SGPP2: variants seen among roughly 807,000 people sequenced by gnomAD.
The protein encoded by SGPP2 is sphingosine-1-phosphate phosphatase 2.
A neutral mutation model predicts 33.9 loss-of-function variants in SGPP2; 30 were observed. That is an observed-to-expected ratio of 0.89 (90% CI 0.66 to 1.20). The LOEUF is 1.20. SGPP2 is among the 50% of genes most tolerant of loss of function. The probability of loss-of-function intolerance (pLI) is 0.00; values close to 1 mark genes in which losing one functional copy is unlikely to be tolerated. For missense variants in SGPP2, 458 were observed against 532.1 expected (o/e 0.86, Z 1.37); for synonymous variants, 233 against 225.0 (o/e 1.04, Z -0.32).
chr2:222,480,241 A>G (rs1293474070), intron 2 of SGPP2, among the ~76,000 whole-genome samples: 1 of 152,170 alleles, frequency 6.6e-6, no homozygotes, highest in African/African-American at 2.4e-5. Flanking sequence ...ATGAGGCAAA[A>G]TCTCACTCAC....
At chr2:222,530,970 G>A (rs1164909839) in intron 4 of SGPP2, among the ~76,000 whole-genome samples, 1 of 152,132 alleles carries the variant, frequency 6.6e-6, no homozygotes, top group East Asian at 1.9e-4. Flanking sequence ...GGAGTTGGAG[G>A]CTGTAGTGAG....
chr2:222,513,903 A>G (rs1482927850), intron 2 of SGPP2, among the ~76,000 whole-genome samples: 1 of 152,190 alleles, frequency 6.6e-6, no homozygotes, highest in Non-Finnish European at 1.5e-5. Context: ...CATATCCACT[A>G]GTCAATTTTC....
intron 2 of SGPP2, among the ~76,000 whole-genome samples, chr2:222,516,019 G>A (rs889452016): frequency 2.0e-5 from 3 of 152,174 alleles, no homozygotes; most frequent in African/African-American, 7.2e-5. Context: ...CTGCACTCTA[G>A]CCCAGGCAAC....
intron 2 of SGPP2, among the ~76,000 whole-genome samples, chr2:222,488,595 A>C (rs1252884881): frequency 6.6e-6 from 1 of 152,182 alleles, no homozygotes; most frequent in African/African-American, 2.4e-5. Context: ...GGTTGAACCT[A>C]TCCTAAGTTT....
chr2:222,430,509 G>A (rs1024465660), intron 1 of SGPP2, among the ~76,000 whole-genome samples: 1 of 152,134 alleles, frequency 6.6e-6, no homozygotes, highest in African/African-American at 2.4e-5. Context: ...AATAGAGACA[G>A]GGTCTCACTA....
intron 2 of SGPP2, among the ~76,000 whole-genome samples, chr2:222,509,714 A>C (rs1011066526): frequency 2.0e-5 from 3 of 152,250 alleles, no homozygotes; most frequent in Non-Finnish European, 4.4e-5. Context: ...GAAAAGGTAC[A>C]CCAGGACTTA....
At chr2:222,456,682 G>T (rs1697578889) in intron 1 of SGPP2, among the ~76,000 whole-genome samples, 1 of 152,326 alleles carries the variant, frequency 6.6e-6, no homozygotes, top group African/African-American at 2.4e-5. Flanking sequence ...AGCATCTTCT[G>T]GGGTAGAATA....
chr2:222,513,358 A>G (rs1167194671), intron 2 of SGPP2, among the ~76,000 whole-genome samples: 6 of 152,178 alleles, frequency 3.9e-5, no homozygotes, highest in Admixed American at 3.9e-4. Flanking sequence ...AAAGGAGCTA[A>G]GCAGACTTTT....
chr2:222,555,172 G>T (rs1407692733), intron 4 of SGPP2, among the ~76,000 whole-genome samples: 1 of 152,176 alleles, frequency 6.6e-6, no homozygotes, highest in Admixed American at 6.5e-5. Context: ...CATCCAAGCT[G>T]TTGCATGCAT....
chr2:222,533,141 G>A (rs1698863748), intron 4 of SGPP2, among the ~76,000 whole-genome samples: 1 of 152,200 alleles, frequency 6.6e-6, no homozygotes, highest in South Asian at 2.1e-4. Flanking sequence ...GAGAAAGAGG[G>A]AAAGGAGGGA....
chr2:222,512,885 C>T (rs983946510), intron 2 of SGPP2, among the ~76,000 whole-genome samples: 6 of 152,174 alleles, frequency 3.9e-5, no homozygotes, highest in African/African-American at 1.4e-4. Flanking sequence ...TACTGAAGGA[C>T]ATCTTGGTTG....
At chr2:222,459,294 A>G (rs1175877111) in intron 1 of SGPP2, among the ~76,000 whole-genome samples, 1 of 151,662 alleles carries the variant, frequency 6.6e-6, no homozygotes, top group Non-Finnish European at 1.5e-5. Flanking sequence ...CTACAGGCAC[A>G]TGCCACCACA....
At chr2:222,455,564 A>G (rs1697560761) in intron 1 of SGPP2, among the ~76,000 whole-genome samples, 2 of 152,172 alleles carry the variant, frequency 1.3e-5, no homozygotes, top group Non-Finnish European at 2.9e-5. Context: ...CTTTATTCTG[A>G]GTGTGATTGG....
chr2:222,498,639 G>A (rs1698320121), intron 2 of SGPP2, among the ~76,000 whole-genome samples: 1 of 152,022 alleles, frequency 6.6e-6, no homozygotes, highest in African/African-American at 2.4e-5. Flanking sequence ...TCCAGACTCT[G>A]GGCCACACAA....
In SGPP2 at chr2:222,560,378, ATTTT is replaced by A. The variant is rs1689514864; in HGVS notation, c.*1481_*1484del. 2.0e-5 allele frequency: 3 copies of A among 152,136 alleles called. No individual in the cohort carries two copies. The allele number at this position is 152,136 out of a possible 1,614,324, so 9.4% of individuals were successfully genotyped here. On this transcript the variant is annotated 3_prime_UTR_variant, in exon 5 of 5. Transcript: ENST00000321276. ...TCTTCCCACCTCTTATCTCTTGGCA[ATTTT>A]AAGGGGAATTAATGCAAGAACAACT...
chr2:222,472,740 T>A (rs377494160), intron 1 of SGPP2, among the ~76,000 whole-genome samples: 166 of 152,324 alleles, frequency 1.1e-3, no homozygotes, highest in East Asian at 5.8e-3. Flanking sequence ...AGGGAGGGAC[T>A]ATTACCATCC....
At chr2:222,540,006 G>T (rs1021961196) in intron 4 of SGPP2, among the ~76,000 whole-genome samples, 2 of 152,078 alleles carry the variant, frequency 1.3e-5, no homozygotes, top group Admixed American at 6.5e-5. Context: ...CCTGATGTTT[G>T]TTTATTTTAA....
chr2:222,452,830 G>A, intron 1 of SGPP2: 1 of 1,606,544 alleles, frequency 6.2e-7, no homozygotes, highest in Non-Finnish European at 8.5e-7. Flanking sequence ...CTATTCTGCG[G>A]CCAGTTGTTT....
chr2:222,436,050 A>T (rs1697234654), intron 1 of SGPP2, among the ~76,000 whole-genome samples: 1 of 152,202 alleles, frequency 6.6e-6, no homozygotes, highest in Admixed American at 6.5e-5. Context: ...TCTGTATTCC[A>T]TGCATCCTCT....
Sources: gnomAD v4.1 joint callset for allele counts (sites outside exome capture counted in the v4.1 genomes callset) on GRCh38, gnomAD v4.1.1 for gene constraint, MANE v1.5 for transcripts, NCBI Gene and HGNC (gene_info 2026-07-23, HGNC 2026-07-21) for gene names.